The following POU2F1 variants were observed in gnomAD, a reference collection of about 807,000 sequenced individuals.
The protein encoded by POU2F1 is POU domain, class 2, transcription factor 1.
POU2F1 carries 16 observed loss-of-function variants against 84.9 expected under a neutral mutation model. The observed-to-expected ratio is 0.19, with a 90% confidence interval of 0.13 to 0.29. The LOEUF is 0.29. Ranked by LOEUF, POU2F1 falls within the 10% of genes least tolerant of loss-of-function variation. The pLI is 1.00. For missense variants in POU2F1, 738 were observed against 942.6 expected (o/e 0.78, Z 2.84); for synonymous variants, 368 against 368.3 (o/e 1.00, Z 0.01).
At chr1:167,224,859 T>G (rs1468095371) in intron 1 of POU2F1, among the ~76,000 whole-genome samples, 1 of 150,584 alleles carries the variant, frequency 6.6e-6, no homozygotes, top group East Asian at 1.9e-4. Context: ...GACAGAGTCT[T>G]GCTCTGTCTC....
At chr1:167,256,573 G>C (rs384848) in intron 1 of POU2F1, among the ~76,000 whole-genome samples, 107,818 of 152,062 alleles carry the variant, frequency 0.71, 38,509 homozygotes, top group East Asian at 0.87. Flanking sequence ...GGTTAAGTGA[G>C]TAACTGAAAG....
In POU2F1 at chr1:167,422,930, T is replaced by G. The variant is rs1241846771; in HGVS notation, c.*7120T>G. The G allele has an allele frequency of 6.6e-6, 1 of 152,194 alleles. No individual in the cohort carries two copies. Among genetic ancestry groups the G allele is most frequent in the Non-Finnish European group, 1.5e-5 (1 of 68,036 alleles). The allele number at this position is 152,194 out of a possible 1,614,324, so 9.4% of individuals were successfully genotyped here. A position where few individuals can be genotyped will look rare whatever the true frequency, so the allele number is the denominator to read the frequency against. On this transcript the variant is annotated 3_prime_UTR_variant, in exon 16 of 16. Transcript: ENST00000367866. ...GTTATCCTGGCTTTGGAAAAGAGAT[T>G]TATTTTGTTTTGCTCTGCTGGCTCT...
intron 1 of POU2F1, among the ~76,000 whole-genome samples, chr1:167,225,774 G>A (rs1485557643): frequency 6.6e-6 from 1 of 152,012 alleles, no homozygotes; most frequent in Non-Finnish European, 1.5e-5. Context: ...CTTTGTACTT[G>A]GAAGACTGTA....
chr1:167,264,590 CTG>C (rs1651804846), intron 1 of POU2F1, among the ~76,000 whole-genome samples: 1 of 152,180 alleles, frequency 6.6e-6, no homozygotes, highest in South Asian at 2.1e-4. Context: ...TAAAATATCA[CTG>C]TGATTAATAA....
At chr1:167,295,524 C>T (rs187400466) in intron 1 of POU2F1, among the ~76,000 whole-genome samples, 3 of 152,192 alleles carry the variant, frequency 2.0e-5, no homozygotes, top group African/African-American at 2.4e-5. Context: ...AGGAGACAGA[C>T]GTGGGAAGAG....
At chr1:167,408,685 A>G (rs1253692553) in intron 13 of POU2F1, among the ~76,000 whole-genome samples, 1 of 152,208 alleles carries the variant, frequency 6.6e-6, no homozygotes, top group Non-Finnish European at 1.5e-5. Context: ...ATAACTAGGT[A>G]GGAGTGTGAC....
At chr1:167,391,315 T>C (rs1383091768) in intron 9 of POU2F1, among the ~76,000 whole-genome samples, 1 of 150,824 alleles carries the variant, frequency 6.6e-6, no homozygotes, top group Non-Finnish European at 1.5e-5. Context: ...GATCATTAGG[T>C]AAAAAAAAAC....
chr1:167,339,655 T>C (rs1657705244), intron 2 of POU2F1, among the ~76,000 whole-genome samples: 1 of 152,232 alleles, frequency 6.6e-6, no homozygotes, highest in South Asian at 2.1e-4. Context: ...CAGTACTTTC[T>C]AGTGTTATCT....
intron 13 of POU2F1, among the ~76,000 whole-genome samples, chr1:167,406,995 A>G (rs1014287734): frequency 1.3e-5 from 2 of 150,620 alleles, no homozygotes; most frequent in African/African-American, 2.4e-5. Context: ...TATCCACATT[A>G]TAGCATAAAT....
At chr1:167,411,387 A>C (rs1179170455) in intron 13 of POU2F1, among the ~76,000 whole-genome samples, 2 of 151,118 alleles carry the variant, frequency 1.3e-5, no homozygotes, top group African/African-American at 4.9e-5. Context: ...TATGAGATTC[A>C]TAGTATCATT....
chr1:167,335,874 A>T (rs938620026), intron 2 of POU2F1, among the ~76,000 whole-genome samples: 2 of 152,254 alleles, frequency 1.3e-5, no homozygotes, highest in African/African-American at 4.8e-5. Flanking sequence ...CAACCTAGTT[A>T]TACAGCTGAT....
intron 1 of POU2F1, among the ~76,000 whole-genome samples, chr1:167,290,120 G>A (rs559206295): frequency 6.6e-6 from 1 of 152,270 alleles, no homozygotes. Flanking sequence ...GCTGGGTGCG[G>A]TGGTTCATGC....
chr1:167,345,226 G>A (rs1404618714), intron 2 of POU2F1, among the ~76,000 whole-genome samples: 1 of 152,120 alleles, frequency 6.6e-6, no homozygotes, highest in Non-Finnish European at 1.5e-5. Context: ...GAGGAGAGGG[G>A]AGGTGTTGGG....
chr1:167,299,163 C>CAAAAAAA (rs71073663), intron 1 of POU2F1, among the ~76,000 whole-genome samples: 8 of 96,798 alleles, frequency 8.3e-5, no homozygotes, highest in South Asian at 3.3e-4. Flanking sequence ...AACGCCATCT[C>CAAAAAAA]AAAAAAAAAA....
intron 1 of POU2F1, among the ~76,000 whole-genome samples, chr1:167,269,574 T>C (rs773513774): frequency 6.6e-6 from 1 of 152,228 alleles, no homozygotes; most frequent in Non-Finnish European, 1.5e-5. Flanking sequence ...ATTTCTTTTT[T>C]AGTATTGTTT....
chr1:167,260,158 G>A (rs1016243270), intron 1 of POU2F1, among the ~76,000 whole-genome samples: 3 of 152,156 alleles, frequency 2.0e-5, no homozygotes, highest in Non-Finnish European at 2.9e-5. Context: ...GGTTACAGGC[G>A]TAAGCCACTG....
chr1:167,326,589 C>T (rs1422665611), intron 1 of POU2F1, among the ~76,000 whole-genome samples: 1 of 152,108 alleles, frequency 6.6e-6, no homozygotes, highest in Non-Finnish European at 1.5e-5. Context: ...CCTTTCCTTC[C>T]CACTGTAGCA....
chr1:167,302,121 G>C (rs567317849), intron 1 of POU2F1, among the ~76,000 whole-genome samples: 48 of 151,620 alleles, frequency 3.2e-4, no homozygotes, highest in African/African-American at 1.1e-3. Flanking sequence ...AGGCAGGCCG[G>C]AGGGCAGTGG....
intron 1 of POU2F1, among the ~76,000 whole-genome samples, chr1:167,243,676 A>G (rs1265900978): frequency 6.6e-6 from 1 of 152,092 alleles, no homozygotes; most frequent in Non-Finnish European, 1.5e-5. Flanking sequence ...GGGTTTTGCC[A>G]TGTTGGCTAG....
Sources: allele counts gnomAD v4.1 joint callset (sites outside exome capture counted in the v4.1 genomes callset), GRCh38; gene constraint gnomAD v4.1.1; transcripts MANE v1.5; gene names NCBI Gene and HGNC (gene_info 2026-07-23, HGNC 2026-07-21).